The following ATP10A variants were observed in gnomAD, a reference collection of about 807,000 sequenced individuals.
ATP10A encodes the protein phospholipid-transporting ATPase VA.
ATP10A carries 111 observed loss-of-function variants against 147.8 expected under a neutral mutation model. The ratio of observed to expected loss-of-function variants is 0.75; its 90% CI spans 0.64 to 0.88. The LOEUF (loss-of-function observed/expected upper bound fraction) is 0.88, where lower values mean the gene tolerates loss of function less well. Among genes scored for constraint, ATP10A ranks in the 40% least tolerant of loss-of-function variants. The pLI is 0.00. For synonymous variants in ATP10A, 875 were observed against 841.6 expected (o/e 1.04, Z -0.69); for missense variants, 1,927 against 1,959.0 (o/e 0.98, Z 0.31).
At chr15:25,826,112 T>C (rs1892102406) in intron 1 of ATP10A, among the ~76,000 whole-genome samples, 1 of 152,046 alleles carries the variant, frequency 6.6e-6, no homozygotes, top group African/African-American at 2.4e-5. Context: ...ATAGGTCAAT[T>C]GAGATTGCTC....
At chr15:25,858,378 G>A (rs1376440393) in intron 1 of ATP10A, among the ~76,000 whole-genome samples, 1 of 152,156 alleles carries the variant, frequency 6.6e-6, no homozygotes, top group African/African-American at 2.4e-5. Flanking sequence ...CCATGAAAGA[G>A]CCAAGGGTGC....
In ATP10A at chr15:25,862,987, G is replaced by A. The variant is rs1277814151; in HGVS notation, c.110C>T (p.Ala37Val). 1 of 1,422,398 alleles carries A rather than the reference G, an allele frequency of 7.0e-7. No homozygotes were observed. Among genetic ancestry groups the A allele is most frequent in the Non-Finnish European group, 9.1e-7 (1 of 1,097,564 alleles). 88.1% of individuals were successfully genotyped at this position (1,422,398 alleles called of 1,614,324 possible). ...GGCCGCGCCAGCCGCAGGGTCCTCG[G>A]CGCCCGGGGGCGGCAGCAGGTTGGA... is the stretch of plus-strand genomic sequence containing the variant. ...VRSNLLPPPG[A>V]EDPAAGAAKG... The change falls in exon 1 of 21, where the codon GCC becomes GTC. Residue 37 changes from alanine (A) to valine (V), a missense_variant. Coordinates refer to ENST00000555815, the MANE Select transcript of ATP10A (RefSeq NM_024490.4).
intron 1 of ATP10A, among the ~76,000 whole-genome samples, chr15:25,784,945 A>G (rs568814541): frequency 6.6e-6 from 1 of 151,918 alleles, no homozygotes; most frequent in South Asian, 2.1e-4. Context: ...AGAAAAAGAA[A>G]AGGCCCTGCA....
chr15:25,675,800 G>T (rs1899124999), downstream of ATP10A, among the ~76,000 whole-genome samples: 1 of 152,194 alleles, frequency 6.6e-6, no homozygotes, highest in South Asian at 2.1e-4. Context: ...ACAAAAATTA[G>T]CCGGGCATGG....
chr15:25,781,645 A>G (rs2140709633), intron 1 of ATP10A, among the ~76,000 whole-genome samples: 1 of 151,868 alleles, frequency 6.6e-6, no homozygotes, highest in South Asian at 2.1e-4. Flanking sequence ...ATAGAGTGAT[A>G]TTCCGTCTCA....
At chr15:25,755,511 C>T (rs1264693944) in intron 2 of ATP10A, among the ~76,000 whole-genome samples, 1 of 152,176 alleles carries the variant, frequency 6.6e-6, no homozygotes, top group Admixed American at 6.5e-5. Flanking sequence ...TTTGGGACTG[C>T]CCTGGAGCAC....
chr15:25,821,878 G>C (rs1234739174), intron 1 of ATP10A, among the ~76,000 whole-genome samples: 1 of 152,056 alleles, frequency 6.6e-6, no homozygotes, highest in Non-Finnish European at 1.5e-5. Context: ...CATTACTCTA[G>C]GGTCCAAATG....
chr15:25,781,909 T>C (rs1019327597), intron 1 of ATP10A, among the ~76,000 whole-genome samples: 3 of 152,162 alleles, frequency 2.0e-5, no homozygotes, highest in African/African-American at 7.2e-5. Flanking sequence ...CAACACTGAA[T>C]GCACTTGAAT....
intron 5 of ATP10A, among the ~76,000 whole-genome samples, chr15:25,725,589 C>G (rs898982156): frequency 6.6e-6 from 1 of 151,414 alleles, no homozygotes; most frequent in Non-Finnish European, 1.5e-5. Flanking sequence ...GTTTGCATGT[C>G]TGGGGGCAGC....
chr15:25,857,473 G>A (rs191815983), intron 1 of ATP10A, among the ~76,000 whole-genome samples: 1 of 152,184 alleles, frequency 6.6e-6, no homozygotes, highest in Admixed American at 6.5e-5. Context: ...TTTTAGGTAT[G>A]ATAATGGTAT....
intron 1 of ATP10A, among the ~76,000 whole-genome samples, chr15:25,806,537 C>A (rs937073277): frequency 2.0e-5 from 3 of 152,134 alleles, no homozygotes; most frequent in African/African-American, 7.2e-5. Flanking sequence ...TGGTCTCGAT[C>A]TCCTGACCTC....
intron 1 of ATP10A, among the ~76,000 whole-genome samples, chr15:25,811,381 G>C (rs1022498543): frequency 1.3e-5 from 2 of 152,174 alleles, no homozygotes; most frequent in African/African-American, 4.8e-5. Context: ...ATAAGGCAGA[G>C]CTGGGAGAAG....
intron 1 of ATP10A, among the ~76,000 whole-genome samples, chr15:25,800,290 T>C (rs548835379): frequency 6.6e-6 from 1 of 152,322 alleles, no homozygotes; most frequent in East Asian, 1.9e-4. Flanking sequence ...GTGAGTTTTC[T>C]ATGTCCTGGA....
At chr15:25,861,307 C>CA (rs1178107301) in intron 1 of ATP10A, among the ~76,000 whole-genome samples, 1 of 152,154 alleles carries the variant, frequency 6.6e-6, no homozygotes, top group Admixed American at 6.5e-5. Context: ...GTTTCAGAAG[C>CA]ACGAGCAAAG....
chr15:25,831,013 C>A (rs1205717845), intron 1 of ATP10A, among the ~76,000 whole-genome samples: 1 of 152,212 alleles, frequency 6.6e-6, no homozygotes, highest in African/African-American at 2.4e-5. Context: ...TGATTCAAAG[C>A]CAAAATTATA....
chr15:25,730,061 C>G (rs4906759), intron 3 of ATP10A, among the ~76,000 whole-genome samples: 3 of 150,938 alleles, frequency 2.0e-5, no homozygotes, highest in African/African-American at 4.9e-5. Flanking sequence ...GAGGCCGAGG[C>G]GGGAGGATTG....
intron 2 of ATP10A, among the ~76,000 whole-genome samples, chr15:25,779,845 A>AAAAC (rs1889811297): frequency 6.8e-6 from 1 of 147,280 alleles, no homozygotes; most frequent in African/African-American, 2.5e-5. Flanking sequence ...AGAAGGTTAA[A>AAAAC]ACACACACAC....
chr15:25,720,186 GA>G (rs1902126355), intron 7 of ATP10A, among the ~76,000 whole-genome samples: 1 of 152,216 alleles, frequency 6.6e-6, no homozygotes, highest in East Asian at 1.9e-4. Flanking sequence ...ATTATTAATG[GA>G]TAAATCAGTA....
chr15:25,827,090 C>T (rs139065804), intron 1 of ATP10A, among the ~76,000 whole-genome samples: 16 of 152,198 alleles, frequency 1.1e-4, no homozygotes, highest in African/African-American at 3.6e-4. Context: ...TCATGAAGGA[C>T]GTGAAGGACA....
Sources: allele counts gnomAD v4.1 joint callset (sites outside exome capture counted in the v4.1 genomes callset), GRCh38; gene constraint gnomAD v4.1.1; transcripts MANE v1.5; gene names NCBI Gene and HGNC (gene_info 2026-07-23, HGNC 2026-07-21).